Variants in CNTNAP2 observed in about 807,000 individuals in gnomAD.
CNTNAP2 encodes contactin associated protein 2, also known as contactin-associated protein-like 2.
A neutral mutation model predicts 155.2 loss-of-function variants in CNTNAP2; 98 were observed. That is an observed-to-expected ratio of 0.63 (90% CI 0.54 to 0.75). The LOEUF is 0.75. Among genes scored for constraint, CNTNAP2 ranks in the 30% least tolerant of loss-of-function variants. The pLI, the probability that CNTNAP2 is intolerant of heterozygous loss-of-function variation, is 0.00. For missense variants in CNTNAP2, 1,727 were observed against 1,688.1 expected (o/e 1.02, Z -0.40); for synonymous variants, 651 against 631.2 (o/e 1.03, Z -0.47).
intron 1 of CNTNAP2, among the ~76,000 whole-genome samples, chr7:146,590,525 A>G (rs1798765502): frequency 1.3e-5 from 2 of 152,190 alleles, no homozygotes; most frequent in South Asian, 2.1e-4. Context: ...TAATGACAGT[A>G]CAGGTTGAGC....
chr7:146,780,926 G>A (rs145126719), intron 2 of CNTNAP2, among the ~76,000 whole-genome samples: 74 of 152,000 alleles, frequency 4.9e-4, no homozygotes, highest in Non-Finnish European at 8.5e-4. Context: ...GTGCATGTGG[G>A]GCTTAAAACC....
intron 9 of CNTNAP2, among the ~76,000 whole-genome samples, chr7:147,368,094 TGTCA>T (rs1168903885): frequency 1.5e-3 from 47 of 31,108 alleles, no homozygotes; most frequent in African/African-American, 4.3e-3. Flanking sequence ...TCTCTCTCTC[TGTCA>T]CACACACACA....
chr7:147,187,991 G>T (rs1307955515), intron 8 of CNTNAP2, among the ~76,000 whole-genome samples: 2 of 152,094 alleles, frequency 1.3e-5, no homozygotes, highest in East Asian at 3.9e-4. Context: ...AGCCCGGGAG[G>T]TGTAGGTTGC....
intron 3 of CNTNAP2, among the ~76,000 whole-genome samples, chr7:146,843,465 G>A (rs1803781852): frequency 6.6e-6 from 1 of 151,944 alleles, no homozygotes; most frequent in South Asian, 2.1e-4. Flanking sequence ...TTTTGGTGGG[G>A]ACACAGACCC....
chr7:147,280,227 C>T (rs1420753569), intron 8 of CNTNAP2, among the ~76,000 whole-genome samples: 2 of 151,816 alleles, frequency 1.3e-5, no homozygotes, highest in Non-Finnish European at 2.9e-5. Context: ...TGCTTGAGTT[C>T]CCTTTGAGAA....
chr7:147,610,586 A>T (rs1401150427), intron 12 of CNTNAP2, among the ~76,000 whole-genome samples: 1 of 152,126 alleles, frequency 6.6e-6, no homozygotes, highest in Non-Finnish European at 1.5e-5. Context: ...TAAACAGGAC[A>T]GTTGGGTGGG....
chr7:146,773,449 G>T (rs1248264861), intron 1 of CNTNAP2, among the ~76,000 whole-genome samples: 2 of 152,210 alleles, frequency 1.3e-5, no homozygotes, highest in African/African-American at 4.8e-5. Context: ...AGGCTGGAGT[G>T]CAGTGGCACG....
intron 15 of CNTNAP2, among the ~76,000 whole-genome samples, chr7:148,084,449 C>T (rs1227962162): frequency 6.6e-6 from 1 of 152,214 alleles, no homozygotes; most frequent in Admixed American, 6.5e-5. Context: ...GCATTTTTCT[C>T]TTCTTTTATC....
chr7:146,368,242 C>A (rs985906577), intron 1 of CNTNAP2, among the ~76,000 whole-genome samples: 1 of 152,152 alleles, frequency 6.6e-6, no homozygotes, highest in African/African-American at 2.4e-5. Flanking sequence ...AAATAGATGT[C>A]TCCAAGGAGT....
intron 15 of CNTNAP2, among the ~76,000 whole-genome samples, chr7:148,062,869 A>C (rs1803183565): frequency 6.6e-6 from 1 of 152,144 alleles, no homozygotes; most frequent in African/African-American, 2.4e-5. Context: ...GTCACAAGTT[A>C]GTTTCTTGAA....
chr7:146,293,778 T>C, intron 1 of CNTNAP2, among the ~76,000 whole-genome samples: 1 of 152,230 alleles, frequency 6.6e-6, no homozygotes, highest in East Asian at 1.9e-4. Context: ...AAATAACTAT[T>C]ATTAATATAC....
chr7:148,281,859 C>T (rs750347171), intron 21 of CNTNAP2, among the ~76,000 whole-genome samples: 9 of 96,912 alleles, frequency 9.3e-5, no homozygotes, highest in African/African-American at 1.1e-4. Context: ...TTTTTTGAGA[C>T]GGAGTCTCAC....
chr7:148,079,670 T>C (rs1334705045), intron 15 of CNTNAP2, among the ~76,000 whole-genome samples: 1 of 152,206 alleles, frequency 6.6e-6, no homozygotes, highest in African/African-American at 2.4e-5. Context: ...AAGAAATATA[T>C]TTTAAGACAA....
At chr7:147,569,534 C>T (rs556190313) in intron 12 of CNTNAP2, among the ~76,000 whole-genome samples, 3 of 151,932 alleles carry the variant, frequency 2.0e-5, no homozygotes, top group Admixed American at 6.6e-5. Context: ...TACACAGACA[C>T]CATTCTGTTA....
At chr7:147,461,045 A>G (rs750567776) in intron 10 of CNTNAP2, among the ~76,000 whole-genome samples, 27 of 152,216 alleles carry the variant, frequency 1.8e-4, no homozygotes, top group Non-Finnish European at 2.9e-4. Flanking sequence ...TCCTAGATGC[A>G]CAGAGAAGGA....
At chr7:148,316,139 A>G (rs1192986733) in intron 21 of CNTNAP2, among the ~76,000 whole-genome samples, 1 of 152,172 alleles carries the variant, frequency 6.6e-6, no homozygotes, top group Non-Finnish European at 1.5e-5. Flanking sequence ...GGTTTTCAGA[A>G]TAAGGGAGAG....
intron 10 of CNTNAP2, among the ~76,000 whole-genome samples, chr7:147,422,135 A>ATATATATAGTATGTATATATACAG (rs1563198620): frequency 4.2e-5 from 6 of 142,370 alleles, no homozygotes; most frequent in African/African-American, 1.3e-4. Context: ...TATATACAGT[A>ATATATATAGTATGTATATATACAG]TATATATATA....
chr7:147,677,880 C>T (rs986246494), intron 13 of CNTNAP2, among the ~76,000 whole-genome samples: 1 of 151,644 alleles, frequency 6.6e-6, no homozygotes, highest in African/African-American at 2.4e-5. Flanking sequence ...TTCTACACGT[C>T]TGTTTTTATG....
intron 17 of CNTNAP2, among the ~76,000 whole-genome samples, chr7:148,164,801 T>G (rs374807495): frequency 2.3e-4 from 30 of 131,370 alleles, no homozygotes; most frequent in East Asian, 2.1e-3. Context: ...TTGTATTTTT[T>G]TATTTTTTAT....
Sources: allele counts gnomAD v4.1 joint callset (sites outside exome capture counted in the v4.1 genomes callset), GRCh38; gene constraint gnomAD v4.1.1; transcripts MANE v1.5; gene names NCBI Gene and HGNC (gene_info 2026-07-23, HGNC 2026-07-21).